Variants in INPP4A observed in about 807,000 individuals in gnomAD.
INPP4A encodes the protein inositol polyphosphate-4-phosphatase type I A.
Under a neutral mutation model 119.8 loss-of-function variants are expected in INPP4A, and 33 were observed. The ratio of observed to expected loss-of-function variants is 0.28; its 90% CI spans 0.21 to 0.37. The LOEUF is 0.37. INPP4A is among the 10% of genes least tolerant of loss of function. The probability of loss-of-function intolerance (pLI) is 1.00; values close to 1 mark genes in which losing one functional copy is unlikely to be tolerated. For missense variants in INPP4A, 956 were observed against 1,289.9 expected (o/e 0.74, Z 3.97); for synonymous variants, 496 against 500.7 (o/e 0.99, Z 0.12).
intron 1 of INPP4A, among the ~76,000 whole-genome samples, chr2:98,456,194 C>T (rs1294219544): frequency 2.0e-5 from 3 of 152,066 alleles, no homozygotes; most frequent in Non-Finnish European, 4.4e-5. Flanking sequence ...GATACATGGA[C>T]TTGAAATTAC....
At chr2:98,516,735 AG>A (rs1214837493) in intron 1 of INPP4A, among the ~76,000 whole-genome samples, 12 of 152,282 alleles carry the variant, frequency 7.9e-5, no homozygotes, top group African/African-American at 2.6e-4. Flanking sequence ...GCCTCTGGCC[AG>A]CATGGGGTGC....
intron 16 of INPP4A, among the ~76,000 whole-genome samples, chr2:98,558,306 G>T (rs1310958757): frequency 6.6e-6 from 1 of 152,090 alleles, no homozygotes; most frequent in Non-Finnish European, 1.5e-5. Flanking sequence ...CTAGAAGAGG[G>T]GTTATGGGGA....
Position 98,554,202 on chromosome 2 carries a change from T to G in INPP4A, c.1348-69T>G. On this transcript the variant is annotated intron_variant, in intron 14 of 24. Coordinates refer to ENST00000409851, the MANE Select transcript of INPP4A (RefSeq NM_001134225.2). This position sits in a 1 kb window ranked among gnomAD's most constrained non-coding sequence, Gnocchi z 4.7. ...GGGCTTTAAGCCCATTCTCCATTTC[T>G]GAGATAAGGCAGGGGCCTCCCCAGC... The G allele has an allele frequency of 3.5e-5, 43 of 1,231,150 alleles. No homozygotes were observed. Among genetic ancestry groups the G allele is most frequent in the Non-Finnish European group, 4.5e-5 (39 of 875,624 alleles). The allele number at this position is 1,231,150 out of a possible 1,614,324, so 76.3% of individuals were successfully genotyped here.
chr2:98,587,596 A>G lies in INPP4A; in HGVS notation c.2907A>G (p.Lys969=), dbSNP rs939574624. ...HYRPPEGTYG[K]VET is the part of the protein sequence containing the mutation. ...GGCCTCCCGAAGGGACTTACGGAAA[A>G]GTTGAAACGTGAACACACGGTTTCC... The change falls in exon 25 of 25, where the codon AAA becomes AAG. Residue 969 remains lysine (K), a synonymous_variant. Transcript: ENST00000409851. 7.5e-6 allele frequency: 12 copies of G among 1,600,704 alleles called. No individual in the cohort carries two copies. Among genetic ancestry groups the G allele is most frequent in the African/African-American group, 1.3e-5 (1 of 74,266 alleles).
chr2:98,510,685 T>A (rs915613783), intron 1 of INPP4A, among the ~76,000 whole-genome samples: 1 of 152,200 alleles, frequency 6.6e-6, no homozygotes, highest in Non-Finnish European at 1.5e-5. Flanking sequence ...CCCCGCTTCT[T>A]AATACTATCA....
At chr2:98,499,727 T>A (rs1305652488) in intron 1 of INPP4A, among the ~76,000 whole-genome samples, 1 of 152,256 alleles carries the variant, frequency 6.6e-6, no homozygotes, top group East Asian at 1.9e-4. Context: ...GAGTGGAAAG[T>A]ACAGAGAGTT....
intron 10 of INPP4A, among the ~76,000 whole-genome samples, chr2:98,539,908 A>G (rs1691080588): frequency 6.6e-6 from 1 of 152,074 alleles, no homozygotes; most frequent in Non-Finnish European, 1.5e-5. Context: ...TGTGTGCCCC[A>G]CACTCAGAAC....
chr2:98,485,876 T>G (rs1416299800), intron 1 of INPP4A, among the ~76,000 whole-genome samples: 1 of 152,178 alleles, frequency 6.6e-6, no homozygotes, highest in African/African-American at 2.4e-5. Context: ...TTAAATTGAG[T>G]ATTTTTCTTC....
chr2:98,540,291 T>A (rs902812713), intron 10 of INPP4A, among the ~76,000 whole-genome samples: 2 of 152,160 alleles, frequency 1.3e-5, no homozygotes, highest in African/African-American at 4.8e-5. Flanking sequence ...AAATAACTGG[T>A]AATTGTTTGA....
intron 23 of INPP4A, among the ~76,000 whole-genome samples, chr2:98,573,515 C>A (rs906641807): frequency 1.3e-5 from 2 of 152,166 alleles, no homozygotes; most frequent in Admixed American, 6.5e-5. Flanking sequence ...CACACATGGC[C>A]CCAGTGGCAT....
intron 1 of INPP4A, among the ~76,000 whole-genome samples, chr2:98,469,910 C>G (rs1172141818): frequency 6.6e-6 from 1 of 152,208 alleles, no homozygotes; most frequent in East Asian, 1.9e-4. Context: ...AGATGCCGAG[C>G]CTCAGTCCCC....
At position 98,588,999 on chromosome 2, in the gene INPP4A, A is replaced by ACTG. The variant is rs1293822075; in HGVS notation, c.*1394_*1396dup. 5.4e-6 allele frequency: 1 copy of ACTG among 183,974 alleles called. No individual in the cohort carries two copies. The highest frequency in any genetic ancestry group is 1.2e-5 in the Non-Finnish European group (1 of 86,786). The allele number at this position is 183,974 out of a possible 1,614,324, so 11.4% of individuals were successfully genotyped here. Reference sequence around the variant, plus strand: ...CCAGGGGTGCTGAGGCATGGGGAGGACTGCTTATTGGCAGGAACACAGAGG... The same window carrying ACTG: ...CCAGGGGTGCTGAGGCATGGGGAGGACTGCTGCTTATTGGCAGGAACACAGAGG... On this transcript the variant is annotated 3_prime_UTR_variant, in exon 25 of 25. Coordinates refer to ENST00000409851, the MANE Select transcript of INPP4A (RefSeq NM_001134225.2).
chr2:98,592,515 G>T lies in INPP4A; in HGVS notation c.*4907G>T, dbSNP rs1314730197. The T allele has an allele frequency of 6.6e-6, 1 of 152,168 alleles. No homozygotes were observed. Among genetic ancestry groups the T allele is most frequent in the Non-Finnish European group, 1.5e-5 (1 of 68,024 alleles). 9.4% of individuals were successfully genotyped at this position (152,168 alleles called of 1,614,324 possible). ...TCAGAGACCCTGGTTATTTCCAAAAGTAGGAAGTAATCAAATTTACAGTGG... is the reference window on the plus strand; with the variant it reads ...TCAGAGACCCTGGTTATTTCCAAAATTAGGAAGTAATCAAATTTACAGTGG... On this transcript the variant is annotated 3_prime_UTR_variant, in exon 25 of 25. Coordinates refer to ENST00000409851, the MANE Select transcript of INPP4A (RefSeq NM_001134225.2).
intron 1 of INPP4A, among the ~76,000 whole-genome samples, chr2:98,469,589 G>T (rs992187268): frequency 2.1e-4 from 32 of 151,808 alleles, no homozygotes; most frequent in African/African-American, 7.5e-4. Context: ...GATCACCTGA[G>T]GTCAGGAGTT....
upstream of INPP4A, among the ~76,000 whole-genome samples, chr2:98,444,631 C>A (rs1174567967): frequency 6.6e-6 from 1 of 152,204 alleles, no homozygotes; most frequent in Non-Finnish European, 1.5e-5. Context: ...TCAGTCAAGT[C>A]CAGAAGTTCA....
At chr2:98,512,527 A>G (rs1427517869) in intron 1 of INPP4A, among the ~76,000 whole-genome samples, 1 of 152,180 alleles carries the variant, frequency 6.6e-6, no homozygotes, top group Non-Finnish European at 1.5e-5. Flanking sequence ...GCATCTGGTG[A>G]GGGTCTTCCC....
chr2:98,454,606 C>G (rs986772929), intron 1 of INPP4A, among the ~76,000 whole-genome samples: 2 of 152,078 alleles, frequency 1.3e-5, no homozygotes, highest in Admixed American at 6.6e-5. Context: ...ACTGTTTTCC[C>G]CACAGTACTC....
intron 1 of INPP4A, among the ~76,000 whole-genome samples, chr2:98,453,923 G>A (rs368419231): frequency 8.5e-5 from 13 of 152,116 alleles, no homozygotes; most frequent in Non-Finnish European, 1.8e-4. Context: ...CCTGGCCAAC[G>A]TAGTGAAAAC....
Position 98,564,614 on chromosome 2 carries a change from A to T in INPP4A, c.2029-26A>T, listed in dbSNP as rs112709655. 8.0e-4 allele frequency: 1,288 copies of T among 1,612,258 alleles called. 15 individuals are homozygous for T. The African/African-American group carries it at 0.015, about 19-fold the overall frequency. On this transcript the variant is annotated intron_variant, in intron 18 of 24. Transcript: ENST00000409851. ...TTTGGTGAGCAGGCACCTGACCCTG[A>T]ACCTCTTCACCCCACGCTCCCACAG... is the stretch of plus-strand genomic sequence containing the variant.
Sources: gnomAD v4.1 joint callset for allele counts (sites outside exome capture counted in the v4.1 genomes callset) on GRCh38, gnomAD v4.1.1 for gene constraint, Gnocchi (gnomAD v3.1) non-coding constraint, MANE v1.5 for transcripts, NCBI Gene and HGNC (gene_info 2026-07-23, HGNC 2026-07-21) for gene names.